CSMD1: variants seen among roughly 807,000 people sequenced by gnomAD.
CSMD1 encodes the protein CUB and Sushi multiple domains 1, also known as CUB and sushi domain-containing protein 1.
In CSMD1, 213 loss-of-function variants were observed where a neutral mutation model predicts 417.5. The observed-to-expected ratio is 0.51, with a 90% CI of 0.46 to 0.57. The LOEUF (loss-of-function observed/expected upper bound fraction) is 0.57, where lower values mean the gene tolerates loss of function less well. Ranked by LOEUF, CSMD1 falls within the 20% of genes least tolerant of loss-of-function variation. The probability of loss-of-function intolerance (pLI) is 0.00; values close to 1 mark genes in which losing one functional copy is unlikely to be tolerated. For synonymous variants in CSMD1, 2,862 were observed against 1,736.8 expected (o/e 1.65, Z -16.11); for missense variants, 6,923 against 4,529.7 (o/e 1.53, Z -15.17).
At chr8:4,978,917 G>A (rs903631526) in intron 1 of CSMD1, among the ~76,000 whole-genome samples, 10 of 152,284 alleles carry the variant, frequency 6.6e-5, no homozygotes, top group East Asian at 3.9e-4. Flanking sequence ...CAGCCTGGGC[G>A]ACAGAGCTAT....
Position 3,938,878 on chromosome 8 carries a change from G to T in CSMD1, c.818+59025C>A, listed in dbSNP as rs1326275028. ...TTTCAGAAGGCAAGTGAATCATTAA[G>T]TGTGACAACTGTATATCTATATGCT... On this transcript the variant is annotated intron_variant, in intron 5 of 69. Coordinates refer to ENST00000635120, the MANE Select transcript of CSMD1 (RefSeq NM_033225.6). Among the ~76,000 whole-genome samples, 7 of 152,220 alleles carry T rather than the reference G, an allele frequency of 4.6e-5. No homozygotes were observed. The South Asian group carries it at 1.5e-3, about 32-fold the overall frequency.
chr8:4,111,721 G>A (rs956331596), intron 3 of CSMD1, among the ~76,000 whole-genome samples: 7 of 152,104 alleles, frequency 4.6e-5, no homozygotes, highest in African/African-American at 1.7e-4. Flanking sequence ...CTGAACAGTA[G>A]GAACACATGG....
intron 3 of CSMD1, among the ~76,000 whole-genome samples, chr8:4,399,596 G>C (rs1212787279): frequency 6.6e-6 from 1 of 151,782 alleles, no homozygotes; most frequent in East Asian, 1.9e-4. Flanking sequence ...CCTGGATCTT[G>C]CCATATTTGT....
rs939894536 is a variant in CSMD1 at position 4,564,626 on chromosome 8, A to C, written c.302+72716T>G. On this transcript the variant is annotated intron_variant, in intron 2 of 69. Transcript: ENST00000635120. ...CCAGGTAACAGTTAAGTTTTGTCAC[A>C]TAAACTAATCTGACACTTCACTGAG... 1.2e-3 allele frequency among the ~76,000 whole-genome samples: 189 copies of C among 152,364 alleles called. 1 individual carries two copies. The highest frequency in any genetic ancestry group is 2.9e-4 in the Non-Finnish European group (20 of 68,038).
At chr8:4,879,011 G>A (rs1012831474) in intron 1 of CSMD1, among the ~76,000 whole-genome samples, 1 of 151,954 alleles carries the variant, frequency 6.6e-6, no homozygotes. Flanking sequence ...GAGGGCAAGG[G>A]ACAGGATATT....
At chr8:3,708,392 G>T (rs776384573) in intron 7 of CSMD1, 22 bp downstream of exon 7, 17 of 1,606,002 alleles carry the variant, frequency 1.1e-5, no homozygotes, top group Admixed American at 5.0e-5. Context: ...TCAATCCTCA[G>T]ATAGAAAGGA....
chr8:4,905,823 AAAAAAAAAAAAG>A (rs1482550459), intron 1 of CSMD1, among the ~76,000 whole-genome samples: 27 of 147,144 alleles, frequency 1.8e-4, no homozygotes, highest in Admixed American at 1.7e-3. Flanking sequence ...CCATCTCAAA[AAAAAAAAAAAAG>A]AAAAAAAGAA....
At chr8:3,026,364 G>GCCTCACTGGA (rs1228587046) in intron 51 of CSMD1, among the ~76,000 whole-genome samples, 25 of 152,134 alleles carry the variant, frequency 1.6e-4, no homozygotes, top group African/African-American at 4.1e-4. Context: ...AGCCCACTGG[G>GCCTCACTGGA]CCTCACTGGA....
intron 1 of CSMD1, among the ~76,000 whole-genome samples, chr8:4,772,666 G>A (rs1027491595): frequency 1.3e-3 from 194 of 152,246 alleles, no homozygotes; most frequent in African/African-American, 4.6e-3. Flanking sequence ...GTACAGAAAA[G>A]AAGCCATAAA....
chr8:3,144,582 G>A (rs79262296), intron 40 of CSMD1, among the ~76,000 whole-genome samples: 1 of 151,962 alleles, frequency 6.6e-6, no homozygotes, highest in South Asian at 2.1e-4. Context: ...GATGGTCTTG[G>A]CCATTCTAAC....
At chr8:4,263,118 G>C (rs1246994854) in intron 3 of CSMD1, among the ~76,000 whole-genome samples, 1 of 151,940 alleles carries the variant, frequency 6.6e-6, no homozygotes, top group East Asian at 1.9e-4. Context: ...ATTTCTTGTG[G>C]GTGATATCAC....
At chr8:3,050,111 A>G (rs556306490) in intron 50 of CSMD1, among the ~76,000 whole-genome samples, 57 of 151,914 alleles carry the variant, frequency 3.8e-4, no homozygotes, top group African/African-American at 1.3e-3. Flanking sequence ...AACTTAAAAA[A>G]AAAAAAAAAA....
intron 52 of CSMD1, among the ~76,000 whole-genome samples, chr8:3,010,927 T>C (rs1585144600): frequency 2.0e-5 from 3 of 151,878 alleles, no homozygotes; most frequent in Non-Finnish European, 4.4e-5. Flanking sequence ...GAGGTTTCAC[T>C]ATGTTGGCCA....
chr8:4,821,771 T>C (rs976559601), intron 1 of CSMD1, among the ~76,000 whole-genome samples: 1 of 152,136 alleles, frequency 6.6e-6, no homozygotes, highest in Non-Finnish European at 1.5e-5. Context: ...TAACACTATA[T>C]TGATGTTACA....
At chr8:4,685,858 G>T (rs988004822) in intron 1 of CSMD1, among the ~76,000 whole-genome samples, 1 of 152,206 alleles carries the variant, frequency 6.6e-6, no homozygotes, top group Admixed American at 6.5e-5. Context: ...TTTGCTAAAA[G>T]AGAGGTTGAT....
chr8:3,207,314 A>AT lies in CSMD1; in HGVS notation c.4868-1695dup, dbSNP rs34423835. 1.9e-3 allele frequency among the ~76,000 whole-genome samples: 263 copies of AT among 138,352 alleles called. 1 individual carries two copies. Among genetic ancestry groups the AT allele is most frequent in the South Asian group, 0.017 (71 of 4,210 alleles). The allele number at this position is 138,352 out of a possible 152,430, so 90.8% of individuals were successfully genotyped here. On this transcript the variant is annotated intron_variant, in intron 30 of 69. Coordinates refer to ENST00000635120, the MANE Select transcript of CSMD1 (RefSeq NM_033225.6). ...CGGCGCCCGCCAACACACCTGGCTG[A>AT]TTTTTTTTTTTTTCATCTTTAATAG...
At chr8:3,540,741 C>T (rs1798402973) in intron 10 of CSMD1, among the ~76,000 whole-genome samples, 1 of 152,196 alleles carries the variant, frequency 6.6e-6, no homozygotes, top group South Asian at 2.1e-4. Flanking sequence ...ACAGACACTT[C>T]TCAAAAGAAG....
In CSMD1 at chr8:4,479,256, C is replaced by T. The variant is rs181224644; in HGVS notation, c.303-59191G>A. 2.0e-5 allele frequency among the ~76,000 whole-genome samples: 3 copies of T among 152,250 alleles called. No homozygotes were observed. In the East Asian group the frequency reaches 5.8e-4, roughly 29 times the overall value. On this transcript the variant is annotated intron_variant, in intron 2 of 69. Transcript: ENST00000635120. ...TATTAATATTGCCAGCATATTATCT[C>T]AGGAATAAATCAAAGTTGCATTTGT...
chr8:4,880,686 T>A (rs1803337542), intron 1 of CSMD1, among the ~76,000 whole-genome samples: 1 of 152,048 alleles, frequency 6.6e-6, no homozygotes. Flanking sequence ...TTTTCTGCCG[T>A]GCCTGTTCTG....
Sources: gnomAD v4.1 joint callset for allele counts (sites outside exome capture counted in the v4.1 genomes callset) on GRCh38, gnomAD v4.1.1 for gene constraint, MANE v1.5 for transcripts, NCBI Gene and HGNC (gene_info 2026-07-23, HGNC 2026-07-21) for gene names.